Variants in PRELID2 observed in about 807,000 individuals in gnomAD.
PRELID2 encodes PRELI domain containing 2.
A neutral mutation model predicts 28.4 loss-of-function variants in PRELID2; 25 were observed. The observed-to-expected ratio is 0.88, with a 90% CI of 0.64 to 1.23. The LOEUF (loss-of-function observed/expected upper bound fraction) is 1.23. Among genes scored for constraint, PRELID2 ranks in the 50% most tolerant of loss-of-function variants. PRELID2 has a pLI of 0.00. For missense variants in PRELID2, 201 were observed against 214.4 expected, an observed-to-expected ratio of 0.94 and a Z score of 0.39; for synonymous variants, 76 against 71.6, an observed-to-expected ratio of 1.06 and a Z score of -0.31.
At chr5:145,352,567 GT>G in the PRELID2 span, among the ~76,000 whole-genome samples, 14 of 152,170 alleles carry the variant, frequency 9.2e-5, no homozygotes, top group Non-Finnish European at 1.5e-4. Context: ...TGCTGTGGAG[GT>G]TTCTGACATG....
intron 4 of PRELID2, among the ~76,000 whole-genome samples, chr5:145,813,111 T>G (rs1437309038): frequency 6.6e-6 from 1 of 152,170 alleles, no homozygotes; most frequent in Non-Finnish European, 1.5e-5. Context: ...ACATCTGGTT[T>G]CTAGTCACAC....
intron 1 of PRELID2, among the ~76,000 whole-genome samples, chr5:145,709,015 T>C (rs1755619860): frequency 6.6e-6 from 1 of 152,166 alleles, no homozygotes; most frequent in Non-Finnish European, 1.5e-5. Context: ...AGCACCTGGG[T>C]GAGAAAGCTG....
the PRELID2 span, among the ~76,000 whole-genome samples, chr5:145,245,684 C>CAAAAG: frequency 4.6e-5 from 7 of 152,128 alleles, no homozygotes; most frequent in East Asian, 1.4e-3. Context: ...CCTGTTGATT[C>CAAAAG]AAAAGAAACG....
intron 5 of PRELID2, among the ~76,000 whole-genome samples, chr5:145,767,074 C>G (rs1442683475): frequency 2.6e-5 from 4 of 152,118 alleles, no homozygotes; most frequent in Admixed American, 1.3e-4. Context: ...TCAGAATATA[C>G]ATTCCCGTTT....
the PRELID2 span, among the ~76,000 whole-genome samples, chr5:145,240,170 C>T: frequency 1.1e-4 from 16 of 152,038 alleles, no homozygotes; most frequent in Admixed American, 2.6e-4. Flanking sequence ...TAAATGGGTA[C>T]ATCTCACTGG....
chr5:145,229,678 C>A, the PRELID2 span: 1 of 766,046 alleles, frequency 1.3e-6, no homozygotes, highest in East Asian at 2.5e-5. Flanking sequence ...CCAGTAGGCA[C>A]CATCCTTTAC....
chr5:145,494,624 G>C (rs1752294936), intron 1 of PRELID2, among the ~76,000 whole-genome samples: 1 of 151,364 alleles, frequency 6.6e-6, no homozygotes. Flanking sequence ...CTTGTAACAG[G>C]TTAAAAAAAA....
the PRELID2 span, among the ~76,000 whole-genome samples, chr5:145,420,744 C>T: frequency 4.8e-5 from 4 of 82,966 alleles, no homozygotes; most frequent in African/African-American, 1.8e-4. Flanking sequence ...TGCCTAATTG[C>T]CCTGGCCAGA....
rs190877640 is a variant in PRELID2, at chr5:145,505,421, C to A, written n.71-32106G>T. 5.7e-4 allele frequency among the ~76,000 whole-genome samples: 87 copies of A among 152,282 alleles called. 1 individual carries two copies. Among genetic ancestry groups the A allele is most frequent in the African/African-American group, 2.0e-3 (85 of 41,578 alleles). On this transcript the variant is annotated intron_variant and non_coding_transcript_variant, in intron 1 of 2. Coordinates refer to the PRELID2 transcript ENST00000510259. ...ACTTTTCTGGACACTCTCAGCAGCA[C>A]AAATCCCAAATAACTATACATGGTA...
At chr5:145,377,777 C>T in the PRELID2 span, among the ~76,000 whole-genome samples, 2 of 152,148 alleles carry the variant, frequency 1.3e-5, no homozygotes, top group South Asian at 4.1e-4. Flanking sequence ...TTGAAAGCAG[C>T]ATACCAATGG....
chr5:145,574,745 T>G (rs1402847398), intron 1 of PRELID2, among the ~76,000 whole-genome samples: 1 of 152,202 alleles, frequency 6.6e-6, no homozygotes, highest in African/African-American at 2.4e-5. Flanking sequence ...CTCAAGTCCC[T>G]TATATAAAAT....
At chr5:145,702,133 C>T (rs556931618) in intron 1 of PRELID2, among the ~76,000 whole-genome samples, 3 of 151,858 alleles carry the variant, frequency 2.0e-5, no homozygotes, top group Non-Finnish European at 2.9e-5. Flanking sequence ...TATACATTAG[C>T]GTATTACTGT....
intron 1 of PRELID2, among the ~76,000 whole-genome samples, chr5:145,595,964 A>G (rs1040571045): frequency 2.6e-5 from 4 of 152,044 alleles, no homozygotes; most frequent in Admixed American, 2.6e-4. Flanking sequence ...GGTGGCACAC[A>G]CCGATAGTTC....
At chr5:145,429,594 G>A in the PRELID2 span, among the ~76,000 whole-genome samples, 1 of 152,320 alleles carries the variant, frequency 6.6e-6, no homozygotes, top group East Asian at 1.9e-4. Context: ...GGTAGGTCAT[G>A]TAGACAGGGA....
chr5:145,690,065 C>A (rs1157723555), intron 1 of PRELID2, among the ~76,000 whole-genome samples: 1 of 149,188 alleles, frequency 6.7e-6, no homozygotes, highest in Admixed American at 6.7e-5. Context: ...TCTCCACTCA[C>A]TGCAACCTCC....
chr5:145,337,964 G>T, the PRELID2 span: 1 of 151,720 alleles, frequency 6.6e-6, no homozygotes, highest in East Asian at 1.9e-4. Flanking sequence ...ATTTAATTTT[G>T]TTTGTCAATT....
chr5:145,424,772 A>T, the PRELID2 span, among the ~76,000 whole-genome samples: 1 of 152,216 alleles, frequency 6.6e-6, no homozygotes, highest in African/African-American at 2.4e-5. Context: ...AATTAACTCC[A>T]GATGGATTTA....
chr5:145,527,327 G>A (rs1385486210), intron 1 of PRELID2, among the ~76,000 whole-genome samples: 1 of 152,116 alleles, frequency 6.6e-6, no homozygotes, highest in East Asian at 1.9e-4. Context: ...GATAAGGTTG[G>A]TGGATTATAC....
At chr5:145,611,725 A>G (rs1313616839) in intron 1 of PRELID2, among the ~76,000 whole-genome samples, 1 of 152,230 alleles carries the variant, frequency 6.6e-6, no homozygotes, top group Non-Finnish European at 1.5e-5. Context: ...CTATAATTTC[A>G]AAACAATCCC....
Sources: allele counts gnomAD v4.1 joint callset (sites outside exome capture counted in the v4.1 genomes callset), GRCh38; gene constraint gnomAD v4.1.1; transcripts MANE v1.5; gene names NCBI Gene and HGNC (gene_info 2026-07-23, HGNC 2026-07-21).